Variants in TNRC6B observed in about 807,000 individuals in gnomAD.
TNRC6B encodes the protein trinucleotide repeat-containing gene 6B protein.
Under a neutral mutation model 203.6 loss-of-function variants are expected in TNRC6B, and 52 were observed. The observed-to-expected ratio is 0.26, with a 90% CI of 0.20 to 0.32. The LOEUF is 0.32. Among genes scored for constraint, TNRC6B ranks in the 10% least tolerant of loss-of-function variants. TNRC6B has a pLI of 1.00. For missense variants in TNRC6B, 1,923 were observed against 2,286.2 expected (o/e 0.84, Z 3.24); for synonymous variants, 838 against 845.7 (o/e 0.99, Z 0.16).
chr22:40,140,484 T>C (rs73885654), intron 3 of TNRC6B, among the ~76,000 whole-genome samples: 1,671 of 152,204 alleles, frequency 0.011, 26 homozygotes, highest in African/African-American at 0.038. Flanking sequence ...AGAAACATAT[T>C]GAAGATGGAA....
At chr22:40,208,133 CA>C (rs1399436419) in intron 1 of TNRC6B, among the ~76,000 whole-genome samples, 3 of 108,970 alleles carry the variant, frequency 2.8e-5, no homozygotes, top group Non-Finnish European at 6.4e-5. Flanking sequence ...AAAAAAAAAA[CA>C]AAAAAACAAG....
intron 1 of TNRC6B, among the ~76,000 whole-genome samples, chr22:40,235,447 C>T (rs1257504400): frequency 6.6e-6 from 1 of 152,172 alleles, no homozygotes; most frequent in South Asian, 2.1e-4. Flanking sequence ...ATCCCTACAA[C>T]GCTCTCTGAG....
chr22:40,050,459 T>C (rs2067735331), intron 1 of TNRC6B, among the ~76,000 whole-genome samples: 1 of 152,152 alleles, frequency 6.6e-6, no homozygotes. Flanking sequence ...GGCTTTTGTT[T>C]TTGTATACAC....
intron 3 of TNRC6B, among the ~76,000 whole-genome samples, chr22:40,149,472 G>T (rs2068726828): frequency 6.6e-6 from 1 of 151,916 alleles, no homozygotes; most frequent in African/African-American, 2.4e-5. Flanking sequence ...TTTGAGACCA[G>T]CCTGGCCAAT....
chr22:40,116,755 T>G (rs1271640580), intron 1 of TNRC6B, among the ~76,000 whole-genome samples: 2 of 152,194 alleles, frequency 1.3e-5, no homozygotes, highest in Non-Finnish European at 2.9e-5. Context: ...TGCCCTTGAT[T>G]GTACAAAGCC....
At chr22:40,133,673 T>C (rs1429329204) in intron 3 of TNRC6B, among the ~76,000 whole-genome samples, 1 of 151,984 alleles carries the variant, frequency 6.6e-6, no homozygotes, top group East Asian at 1.9e-4. Flanking sequence ...GTGTATAGCA[T>C]ATAAGGGGTA....
chr22:40,236,149 G>C (rs1374739388), intron 1 of TNRC6B, among the ~76,000 whole-genome samples: 1 of 152,126 alleles, frequency 6.6e-6, no homozygotes, highest in Admixed American at 6.5e-5. Context: ...AATTGCCTAT[G>C]TGTTTAGTTC....
rs35673044 is a variant in TNRC6B, at chr22:40,329,457, AG to A, written c.*6221del. The stretch of plus-strand genomic sequence containing the variant: ...GTTTTTTTTTTCTTAAGTTTGACAA[AG>A]GGGGTGGTAATATCACATTCTTTAG... On this transcript the variant is annotated 3_prime_UTR_variant, in exon 23 of 23. Transcript: ENST00000454349. 3.3e-5 allele frequency: 5 copies of A among 152,158 alleles called. No individual in the cohort carries two copies. The highest frequency in any genetic ancestry group is 7.4e-5 in the Non-Finnish European group (5 of 68,000). 9.4% of individuals were successfully genotyped at this position (152,158 alleles called of 1,614,324 possible). A position where few individuals can be genotyped will look rare whatever the true frequency, so the allele number is the denominator to read the frequency against.
At chr22:40,193,923 G>C (rs1253006338) in intron 1 of TNRC6B, among the ~76,000 whole-genome samples, 1 of 152,170 alleles carries the variant, frequency 6.6e-6, no homozygotes. Flanking sequence ...TGAGAGAGGA[G>C]ATGCGTTATA....
At chr22:40,119,619 C>A (rs1007155347) in intron 2 of TNRC6B, among the ~76,000 whole-genome samples, 2 of 152,188 alleles carry the variant, frequency 1.3e-5, no homozygotes, top group Admixed American at 1.3e-4. Context: ...TACATACATG[C>A]ATACGTAAAC....
At chr22:40,148,534 G>GC (rs1331695813) in intron 3 of TNRC6B, among the ~76,000 whole-genome samples, 1 of 151,928 alleles carries the variant, frequency 6.6e-6, no homozygotes, top group African/African-American at 2.4e-5. Flanking sequence ...TGCCCGCCTT[G>GC]CCCCCCACAA....
intron 12 of TNRC6B, among the ~76,000 whole-genome samples, chr22:40,294,697 C>G (rs2070915686): frequency 6.6e-6 from 1 of 152,170 alleles, no homozygotes; most frequent in South Asian, 2.1e-4. Flanking sequence ...TTCAATAGCA[C>G]AGAATATATC....
At chr22:40,061,518 T>C (rs1305585518) in intron 1 of TNRC6B, among the ~76,000 whole-genome samples, 1 of 152,114 alleles carries the variant, frequency 6.6e-6, no homozygotes, top group Non-Finnish European at 1.5e-5. Context: ...CCACTGTGCC[T>C]GGCCTGGATT....
intron 1 of TNRC6B, among the ~76,000 whole-genome samples, chr22:40,223,066 T>C (rs2069736465): frequency 6.6e-6 from 1 of 151,654 alleles, no homozygotes; most frequent in African/African-American, 2.4e-5. Flanking sequence ...TTTTTAAAAA[T>C]TGAATGCCTC....
At chr22:40,097,458 A>G (rs770832148) in intron 1 of TNRC6B, among the ~76,000 whole-genome samples, 13 of 152,056 alleles carry the variant, frequency 8.5e-5, no homozygotes, top group Non-Finnish European at 1.9e-4. Flanking sequence ...CGTGGGTGCC[A>G]CCACACGCGG....
chr22:40,150,494 G>A (rs1228595143), intron 3 of TNRC6B, among the ~76,000 whole-genome samples: 1 of 152,194 alleles, frequency 6.6e-6, no homozygotes, highest in East Asian at 1.9e-4. Flanking sequence ...TTGGAAGCTG[G>A]GAAGCTTTTG....
chr22:40,155,187 T>C (rs920331108), intron 3 of TNRC6B, among the ~76,000 whole-genome samples: 3 of 152,200 alleles, frequency 2.0e-5, no homozygotes, highest in East Asian at 3.9e-4. Flanking sequence ...TACTTTTGTA[T>C]ATGTGCAAAA....
At chr22:40,122,603 TC>T (rs1442175636) in intron 2 of TNRC6B, among the ~76,000 whole-genome samples, 1 of 152,094 alleles carries the variant, frequency 6.6e-6, no homozygotes, top group Admixed American at 6.5e-5. Flanking sequence ...TAAAGTAAGA[TC>T]CTGTTACCTT....
At chr22:40,268,881 C>G (rs935665791) in intron 5 of TNRC6B, among the ~76,000 whole-genome samples, 1 of 151,456 alleles carries the variant, frequency 6.6e-6, no homozygotes, top group Admixed American at 6.6e-5. Flanking sequence ...CCACTGCACT[C>G]CAGCCTGGGC....
Sources: gnomAD v4.1 joint callset for allele counts (sites outside exome capture counted in the v4.1 genomes callset) on GRCh38, gnomAD v4.1.1 for gene constraint, MANE v1.5 for transcripts, NCBI Gene and HGNC (gene_info 2026-07-23, HGNC 2026-07-21) for gene names.